Variants in ACVR1 observed in about 807,000 individuals in gnomAD.
ACVR1 encodes activin receptor type-1.
A neutral mutation model predicts 57.1 loss-of-function variants in ACVR1; 38 were observed. That is an observed-to-expected ratio of 0.67 (90% CI 0.51 to 0.87). The LOEUF is 0.87. Ranked by LOEUF, ACVR1 falls within the 40% of genes least tolerant of loss-of-function variation. ACVR1 has a pLI of 0.00. For synonymous variants in ACVR1, 212 were observed against 228.1 expected, an observed-to-expected ratio of 0.93 and a Z score of 0.63; for missense variants, 463 against 638.2, an observed-to-expected ratio of 0.73 and a Z score of 2.96.
At chr2:157,858,227 G>A (rs1689600446) in intron 1 of ACVR1, among the ~76,000 whole-genome samples, 1 of 152,058 alleles carries the variant, frequency 6.6e-6, no homozygotes, top group Non-Finnish European at 1.5e-5. Context: ...TCCTCTCTAT[G>A]GCGATAGGAG....
In ACVR1 at chr2:157,778,258, G is replaced by A; in HGVS notation, c.416C>T (p.Ala139Val). The A allele has an allele frequency of 6.2e-7, 1 of 1,614,070 alleles. No homozygotes were observed. Among genetic ancestry groups the A allele is most frequent in the African/African-American group, 1.3e-5 (1 of 75,014 alleles). The change falls in exon 5 of 11, where the codon GCC (alanine) becomes GTC (valine). Residue 139 changes from alanine to valine, a missense_variant. Physicochemically the swap from Ala to Val is moderately conservative, Grantham distance 64 (BLOSUM62 0). Coordinates refer to ENST00000434821, the MANE Select transcript of ACVR1 (RefSeq NM_001111067.4). ...TCGGAGAGCAACTCCCAGCAGGCAG[G>A]CTAAAAGACATACTGCGAACACTAC... ...LSVVFAVCLL[A>V]CLLGVALRKF...
At position 157,784,039 on chromosome 2, in the gene ACVR1, T is replaced by A. The variant is rs545705535; in HGVS notation, c.68-3439A>T. Among the ~76,000 whole-genome samples the A allele has an allele frequency of 2.1e-4, 32 of 152,310 alleles. 1 individual carries two copies. The South Asian group carries it at 5.2e-3, about 25-fold the overall frequency. On this transcript the variant is annotated intron_variant, in intron 3 of 10. Transcript: ENST00000434821. ...AATTATGAAGTCAACAAAGAAGGTT[T>A]AAAGCAAGGTAGTAATAGCATTCTC...
chr2:157,869,406 C>G (rs1464285390), intron 1 of ACVR1, among the ~76,000 whole-genome samples: 1 of 152,164 alleles, frequency 6.6e-6, no homozygotes, highest in African/African-American at 2.4e-5. Flanking sequence ...TCCACAATAC[C>G]TAGAACAGTT....
chr2:157,845,239 T>C (rs1158561557), intron 1 of ACVR1, among the ~76,000 whole-genome samples: 2 of 152,212 alleles, frequency 1.3e-5, no homozygotes, highest in Non-Finnish European at 2.9e-5. Flanking sequence ...GTCTGCGTTC[T>C]AACCTTGGAA....
chr2:157,826,899 T>C (rs1318124790), intron 1 of ACVR1, among the ~76,000 whole-genome samples: 1 of 98,566 alleles, frequency 1.0e-5, no homozygotes, highest in Non-Finnish European at 1.9e-5. Flanking sequence ...AGGAGGAAGG[T>C]AGGAAAAGAA....
Position 157,757,749 on chromosome 2 carries a change from A to G in ACVR1, c.1264+3131T>C, listed in dbSNP as rs904097707. 5.3e-5 allele frequency among the ~76,000 whole-genome samples: 8 copies of G among 152,090 alleles called. No homozygotes were observed. The East Asian group carries it at 1.3e-3, about 26-fold the overall frequency. ...ACTAGACTGGCCCTACAAGAAACAC[A>G]TAAGGAAATGCTATATCTGGGTGAT... On this transcript the variant is annotated intron_variant, in intron 9 of 10. Transcript: ENST00000434821.
intron 2 of ACVR1, among the ~76,000 whole-genome samples, chr2:157,807,927 T>TCTCTCTCC (rs1309095286): frequency 1.3e-5 from 2 of 149,176 alleles, no homozygotes; most frequent in Non-Finnish European, 3.0e-5. Flanking sequence ...TCTCTCTCTC[T>TCTCTCTCC]CTCTCTCCCT....
At chr2:157,811,689 C>A (rs751705014) in intron 2 of ACVR1, among the ~76,000 whole-genome samples, 23 of 152,164 alleles carry the variant, frequency 1.5e-4, no homozygotes, top group Admixed American at 1.2e-3. Context: ...TAAAACCCAA[C>A]ATCTCACCCA....
intron 9 of ACVR1, among the ~76,000 whole-genome samples, chr2:157,754,976 A>G (rs1685362449): frequency 6.6e-6 from 1 of 152,172 alleles, no homozygotes; most frequent in Admixed American, 6.5e-5. Context: ...AATAAATGTC[A>G]TACACCACAT....
intron 1 of ACVR1, chr2:157,826,460 G>A (rs1003802009): frequency 2.0e-5 from 3 of 151,916 alleles, no homozygotes; most frequent in Admixed American, 1.3e-4. Context: ...CCAAGAGTTC[G>A]AGACCAGCCT....
intron 3 of ACVR1, among the ~76,000 whole-genome samples, chr2:157,788,575 T>C (rs937594594): frequency 6.6e-6 from 1 of 152,200 alleles, no homozygotes; most frequent in Non-Finnish European, 1.5e-5. Flanking sequence ...CCTATTGTTA[T>C]AATTGTTCTA....
chr2:157,760,155 T>C (rs539561949), intron 9 of ACVR1, among the ~76,000 whole-genome samples: 2 of 152,234 alleles, frequency 1.3e-5, no homozygotes, highest in South Asian at 2.1e-4. Flanking sequence ...GGAAGTCAAA[T>C]TGTCCCTCTT....
intron 1 of ACVR1, among the ~76,000 whole-genome samples, chr2:157,830,251 T>A (rs1005101305): frequency 1.3e-5 from 2 of 151,964 alleles, no homozygotes; most frequent in Non-Finnish European, 2.9e-5. Flanking sequence ...CCTTCATAAA[T>A]GTTGATAATA....
intron 2 of ACVR1, among the ~76,000 whole-genome samples, chr2:157,809,525 G>C (rs1053046439): frequency 1.3e-5 from 2 of 152,108 alleles, no homozygotes; most frequent in African/African-American, 2.4e-5. Context: ...ACAAGGAGGA[G>C]ACAGGGAGAG....
chr2:157,793,665 A>G (rs1298937159), intron 3 of ACVR1, among the ~76,000 whole-genome samples: 1 of 152,226 alleles, frequency 6.6e-6, no homozygotes. Flanking sequence ...AACAAGAGAT[A>G]CAAATGTAAT....
intron 1 of ACVR1, among the ~76,000 whole-genome samples, chr2:157,825,104 C>A (rs1385584936): frequency 6.6e-6 from 1 of 152,120 alleles, no homozygotes. Flanking sequence ...ATCCTTATTT[C>A]TTTCCCTATG....
At chr2:157,858,283 T>C (rs1173358512) in intron 1 of ACVR1, among the ~76,000 whole-genome samples, 1 of 152,076 alleles carries the variant, frequency 6.6e-6, no homozygotes, top group East Asian at 1.9e-4. Flanking sequence ...TCCCAGACTC[T>C]TCTCTCAAGG....
Position 157,826,752 on chromosome 2 carries a change from AAAGG to A in ACVR1, c.-182-8197_-182-8194del, listed in dbSNP as rs1559080573. On this transcript the variant is annotated intron_variant, in intron 1 of 10. Coordinates refer to ENST00000434821, the MANE Select transcript of ACVR1 (RefSeq NM_001111067.4). Reference sequence around the variant, plus strand: ...AAAGGAAAGGAAAGGAAAGGAAAGGAAAGGAAAGGAAAGGAAAGGAAAGGAAAGG... The same window carrying A: ...AAAGGAAAGGAAAGGAAAGGAAAGGAAAAGGAAAGGAAAGGAAAGGAAAGG... 9 of 113,918 alleles carry A rather than the reference AAAGG, an allele frequency of 7.9e-5. 1 individual carries two copies. Among genetic ancestry groups the A allele is most frequent in the African/African-American group, 3.5e-4 (8 of 23,022 alleles). 7.1% of individuals were successfully genotyped at this position (113,918 alleles called of 1,614,324 possible).
chr2:157,834,948 G>A (rs76797988), intron 1 of ACVR1, among the ~76,000 whole-genome samples: 1,709 of 152,150 alleles, frequency 0.011, 12 homozygotes, highest in African/African-American at 0.022. Context: ...AGAAGCCCTC[G>A]CCAGACACTG....
Sources: gnomAD v4.1 joint callset for allele counts (sites outside exome capture counted in the v4.1 genomes callset) on GRCh38, gnomAD v4.1.1 for gene constraint, MANE v1.5 for transcripts, NCBI Gene and HGNC (gene_info 2026-07-23, HGNC 2026-07-21) for gene names.